Variants in PLXND1 observed in about 807,000 individuals in gnomAD.
The protein encoded by PLXND1 is plexin-D1.
In PLXND1, 54 loss-of-function variants were observed where a neutral mutation model predicts 197.7. The ratio of observed to expected loss-of-function variants is 0.27; its 90% CI spans 0.22 to 0.34. The LOEUF (loss-of-function observed/expected upper bound fraction) is 0.34, where lower values mean the gene tolerates loss of function less well. Among genes scored for constraint, PLXND1 ranks in the 10% least tolerant of loss-of-function variants. PLXND1 has a pLI of 1.00. For synonymous variants in PLXND1, 1,180 were observed against 1,161.2 expected, an observed-to-expected ratio of 1.02 and a Z score of -0.33; for missense variants, 2,127 against 2,699.2, an observed-to-expected ratio of 0.79 and a Z score of 4.70.
At chr3:129,559,854 C>T (rs2085032252) in intron 31 of PLXND1, 71 bp from the exon 32 acceptor site, 6 of 1,292,990 alleles carry the variant, frequency 4.6e-6, no homozygotes, top group Non-Finnish European at 5.2e-6. Context: ...CCCTTGGTGG[C>T]TCTGCGGAGC....
At chr3:129,600,038 G>A (rs2085685094) in intron 1 of PLXND1, among the ~76,000 whole-genome samples, 2 of 152,228 alleles carry the variant, frequency 1.3e-5, no homozygotes, top group African/African-American at 4.8e-5. Context: ...CCTGCAGAGC[G>A]CGAGCTCGGC....
intron 8 of PLXND1, among the ~76,000 whole-genome samples, chr3:129,579,069 C>T (rs1009063287): frequency 2.0e-5 from 3 of 152,130 alleles, no homozygotes; most frequent in African/African-American, 7.2e-5. Flanking sequence ...GGGCCCCGGG[C>T]TCATGGGGGG....
chr3:129,604,127 C>T (rs1321892176), intron 1 of PLXND1, among the ~76,000 whole-genome samples: 4 of 152,144 alleles, frequency 2.6e-5, no homozygotes, highest in African/African-American at 7.2e-5. Flanking sequence ...GTCAACCTGG[C>T]CCCCCTTGCT....
rs1160419631 is a variant in PLXND1, at chr3:129,563,154, C to T, written c.4608G>A (p.Lys1536=). The T allele has an allele frequency of 6.2e-7, 1 of 1,611,976 alleles. No homozygotes were observed. Among genetic ancestry groups the T allele is most frequent in the Admixed American group, 1.7e-5 (1 of 59,338 alleles). ...NKGSIDAITG[K]ARYTLSEEWL... is the part of the protein sequence containing the mutation. ...ACTCCTCACTGAGTGTGTAGCGGGC[C>T]TTGCCTGTGATGGCGTCGATGGAGC... is the stretch of plus-strand genomic sequence containing the variant. Residue 1536 remains lysine (K), a synonymous_variant, in exon 26 of 36, where the codon AAG becomes AAA. Transcript: ENST00000324093.
Position 129,605,932 on chromosome 3 carries a change from G to T in PLXND1, c.708C>A (p.Pro236=). The T allele has an allele frequency of 6.2e-7, 1 of 1,613,394 alleles. No homozygotes were observed. Among genetic ancestry groups the T allele is most frequent in the Non-Finnish European group, 8.5e-7 (1 of 1,179,882 alleles). ...TGTCCAGGGAGCGGATGGCGATCTC[G>T]GGCGTGTTCTCGAAGCGGTGGTCCT... The part of the protein sequence containing the change: ...SLEDHRFENT[P]EIAIRSLDTR... Residue 236 remains proline (P), a synonymous_variant, in exon 1 of 36, where the codon CCC becomes CCA. Coordinates refer to ENST00000324093, the MANE Select transcript of PLXND1 (RefSeq NM_015103.3).
At chr3:129,603,916 G>A (rs538217121) in intron 1 of PLXND1, among the ~76,000 whole-genome samples, 4 of 152,226 alleles carry the variant, frequency 2.6e-5, no homozygotes, top group East Asian at 1.9e-4. Flanking sequence ...AAGTGGGCTC[G>A]CCAGACTCAG....
At chr3:129,569,809 C>G (rs1416747007) in intron 20 of PLXND1, 34 bp downstream of exon 20, 3 of 1,241,660 alleles carry the variant, frequency 2.4e-6, no homozygotes, top group Non-Finnish European at 3.6e-6. Flanking sequence ...GGCAAGCCTG[C>G]CCTCCAAGGT....
At position 129,578,450 on chromosome 3, in the gene PLXND1, A is replaced by G; in HGVS notation, c.2242-17T>C. ...CTGAGGGCTCTGCAGAGGAAACAGA[A>G]GGAGAGGGTGACACAGGGGCATTTC... is the stretch of plus-strand genomic sequence containing the variant. On this transcript the variant is annotated splice_polypyrimidine_tract_variant and intron_variant, in intron 8 of 35. Coordinates refer to ENST00000324093, the MANE Select transcript of PLXND1 (RefSeq NM_015103.3). 6.7e-7 allele frequency: 1 copy of G among 1,501,974 alleles called. No homozygotes were observed. 93.0% of individuals were successfully genotyped at this position (1,501,974 alleles called of 1,614,324 possible).
intron 1 of PLXND1, among the ~76,000 whole-genome samples, chr3:129,601,480 A>T (rs2085707496): frequency 6.6e-6 from 1 of 152,150 alleles, no homozygotes; most frequent in East Asian, 1.9e-4. Context: ...AGCAGGAGCG[A>T]GAGGCTGGGT....
At position 129,575,546 on chromosome 3, in the gene PLXND1, T is replaced by C. The variant is rs2108780100; in HGVS notation, c.2453A>G (p.Lys818Arg). 1.3e-6 allele frequency: 2 copies of C among 1,556,210 alleles called. 1 individual carries two copies. The highest frequency in any genetic ancestry group is 2.4e-5 in the South Asian group (2 of 84,376). ...CDQVVLHTTR[K>R]SQVFPLSLQL... ...GAGGCTGAGCGGGAACACCTGGCTC[T>C]TCCGGGTCGTGTGCAGCTGCAAAAG... The change falls in exon 11 of 36, where the codon AAG (lysine) becomes AGG (arginine). Residue 818 changes from lysine to arginine, a missense_variant. Around this residue, in one of 6 missense-constraint regions of PLXND1, gnomAD observed 1,095 missense variants for 1,259.8 expected, o/e 0.87. Transcript: ENST00000324093.
Position 129,605,856 on chromosome 3 carries a change from C to T in PLXND1, c.784G>A (p.Asp262Asn). The change falls in exon 1 of 36, where the codon GAC becomes AAC. Residue 262 changes from aspartate to asparagine, a missense_variant. This residue lies in a region of PLXND1 where 1,095 missense variants were observed against 1,259.8 expected (regional missense o/e 0.87). Transcript: ENST00000324093. ...LFTFDLNPSD[D>N]NILKIKQGAK... is the part of the protein sequence containing the mutation. ...CCCTGCTTGATCTTGAGGATGTTGT[C>T]GTCGGAGGGGTTGAGGTCGAAGGTG... The T allele has an allele frequency of 1.9e-6, 3 of 1,613,332 alleles. No homozygotes were observed. The highest frequency in any genetic ancestry group is 2.5e-6 in the Non-Finnish European group (3 of 1,179,834).
intron 8 of PLXND1, among the ~76,000 whole-genome samples, chr3:129,579,004 C>T (rs1226878832): frequency 6.6e-6 from 1 of 152,184 alleles, no homozygotes; most frequent in Non-Finnish European, 1.5e-5. Context: ...CCCCACAGCC[C>T]GGGTATAAGT....
intron 11 of PLXND1, among the ~76,000 whole-genome samples, chr3:129,574,816 C>T (rs934321998): frequency 5.3e-5 from 8 of 152,192 alleles, no homozygotes; most frequent in African/African-American, 1.7e-4. Flanking sequence ...CCTGAGCTCA[C>T]GAGGCCTGTG....
At chr3:129,563,071 C>T in intron 26 of PLXND1, 23 bp downstream of exon 26, 1 of 1,612,894 alleles carries the variant, frequency 6.2e-7, no homozygotes, top group Non-Finnish European at 8.5e-7. Context: ...AGCCCTGGGA[C>T]CCTCCCCGCC....
intron 2 of PLXND1, among the ~76,000 whole-genome samples, chr3:129,587,066 C>T (rs1249184478): frequency 6.6e-6 from 1 of 152,170 alleles, no homozygotes; most frequent in Non-Finnish European, 1.5e-5. Flanking sequence ...CACTGAGGAG[C>T]TCTACAATGT....
At chr3:129,588,608 G>C (rs369674138) in intron 2 of PLXND1, among the ~76,000 whole-genome samples, 1 of 152,250 alleles carries the variant, frequency 6.6e-6, no homozygotes, top group African/African-American at 2.4e-5. Context: ...CAGTGGGTTG[G>C]GGGGGACTTG....
intron 25 of PLXND1, among the ~76,000 whole-genome samples, chr3:129,564,226 A>T (rs1455382497): frequency 2.6e-5 from 4 of 152,346 alleles, no homozygotes; most frequent in Middle Eastern, 3.4e-3. Context: ...CCCCCAGGCT[A>T]CTTGGCCCTC....
Position 129,572,704 on chromosome 3 carries a change from G to T in PLXND1, c.2982C>A (p.Ala994=), listed in dbSNP as rs113382224. 6.2e-7 allele frequency: 1 copy of T among 1,601,702 alleles called. No individual in the cohort carries two copies. The highest frequency in any genetic ancestry group is 1.7e-5 in the Admixed American group (1 of 58,268). The part of the protein sequence containing the change: ...HSLEPTMGPK[A]GGTRITIHGN... ...CATGGATGGTGATCCTGGTGCCCCC[G>T]GCCTTGGGGCCCATGGTAGGCTCCA... Residue 994 remains alanine, a synonymous_variant, in exon 15 of 36, where the codon GCC becomes GCA. Coordinates refer to ENST00000324093, the MANE Select transcript of PLXND1 (RefSeq NM_015103.3).
chr3:129,582,543 G>C lies in PLXND1; in HGVS notation c.2241+1024C>G, dbSNP rs72990033. Among the ~76,000 whole-genome samples the C allele has an allele frequency of 3.8e-3, 576 of 152,326 alleles. 5 individuals are homozygous for C. The highest frequency in any genetic ancestry group is 0.013 in the African/African-American group (520 of 41,568). On this transcript the variant is annotated intron_variant, in intron 8 of 35. Transcript: ENST00000324093. ...CCACCCACAGCCCTGATACGCGCCAGGTCTGAGAGGGGACGAGCTGTGATC... is the reference window on the plus strand; with the variant it reads ...CCACCCACAGCCCTGATACGCGCCACGTCTGAGAGGGGACGAGCTGTGATC...
Sources: allele counts gnomAD v4.1 joint callset (sites outside exome capture counted in the v4.1 genomes callset), GRCh38; gene constraint gnomAD v4.1.1; regional missense constraint gnomAD v4.1.1; transcripts MANE v1.5; gene names NCBI Gene and HGNC (gene_info 2026-07-23, HGNC 2026-07-21).